CSNK2A2: variants seen among roughly 807,000 people sequenced by gnomAD.
CSNK2A2 encodes the protein casein kinase 2 alpha 2.
A neutral mutation model predicts 54.0 loss-of-function variants in CSNK2A2; 8 were observed. The ratio of observed to expected loss-of-function variants is 0.15; its 90% CI spans 0.09 to 0.27. The LOEUF is 0.27. Ranked by LOEUF, CSNK2A2 falls within the 10% of genes least tolerant of loss-of-function variation. The pLI is 1.00. For synonymous variants in CSNK2A2, 141 were observed against 153.9 expected (o/e 0.92, Z 0.62); for missense variants, 242 against 439.4 (o/e 0.55, Z 4.02).
In CSNK2A2 at chr16:58,184,282, T is replaced by C. The variant is rs547345655; in HGVS notation, c.347A>G (p.Tyr116Cys). The change falls in exon 4 of 12, where the codon TAT becomes TGT. Residue 116 changes from tyrosine to cysteine, a missense_variant. Tyr to Cys is a radical substitution (Grantham distance 194). Around this residue, in one of 5 missense-constraint regions of CSNK2A2, gnomAD observed 69 missense variants for 97.0 expected, o/e 0.71. Transcript: ENST00000262506. ...VSKTPALVFE[Y>C]INNTDFKQLY... ...CACCTTAAAATCTGTATTATTGATA[T>C]ATTCAAATACCAAAGCTGGTGTCTT... 6.2e-7 allele frequency: 1 copy of C among 1,604,508 alleles called. No homozygotes were observed. The highest frequency in any genetic ancestry group is 1.7e-5 in the Admixed American group (1 of 59,384).
chr16:58,191,246 TAG>T (rs1244195205), intron 2 of CSNK2A2, among the ~76,000 whole-genome samples: 2 of 152,148 alleles, frequency 1.3e-5, no homozygotes, highest in African/African-American at 2.4e-5. Flanking sequence ...GTTTAATGGA[TAG>T]AGTTTCCATT....
intron 2 of CSNK2A2, among the ~76,000 whole-genome samples, chr16:58,190,167 ACTAT>A (rs1167756663): frequency 2.0e-5 from 3 of 152,180 alleles, no homozygotes; most frequent in African/African-American, 7.2e-5. Flanking sequence ...CAATTCAGAG[ACTAT>A]CTGTTTAAAA....
At chr16:58,170,353 TG>T (rs1961700959) in intron 5 of CSNK2A2, among the ~76,000 whole-genome samples, 1 of 152,084 alleles carries the variant, frequency 6.6e-6, no homozygotes, top group African/African-American at 2.4e-5. Flanking sequence ...ACATGTATAG[TG>T]CTTTGTCTAC....
intron 4 of CSNK2A2, among the ~76,000 whole-genome samples, chr16:58,181,255 T>G (rs1216830055): frequency 6.6e-6 from 1 of 152,188 alleles, no homozygotes; most frequent in Non-Finnish European, 1.5e-5. Flanking sequence ...GCAAACAGCT[T>G]CAAACTGAAC....
At chr16:58,162,986 A>G (rs922946192) in intron 11 of CSNK2A2, 1 of 152,162 alleles carries the variant, frequency 6.6e-6, no homozygotes, top group Non-Finnish European at 1.5e-5. Context: ...CACATATCAG[A>G]ACTTACAAAT....
chr16:58,158,917 C>G (rs1277184029), intron 11 of CSNK2A2: 1 of 152,260 alleles, frequency 6.6e-6, no homozygotes, highest in African/African-American at 2.4e-5. Flanking sequence ...CTTCCAGGTC[C>G]AGCATAGCAA....
At chr16:58,189,071 C>T (rs1443266890) in intron 2 of CSNK2A2, among the ~76,000 whole-genome samples, 1 of 151,504 alleles carries the variant, frequency 6.6e-6, no homozygotes, top group Non-Finnish European at 1.5e-5. Context: ...ATTCTCCTGC[C>T]TCAGCCTCCC....
At chr16:58,191,448 G>A (rs1391032734) in intron 2 of CSNK2A2, among the ~76,000 whole-genome samples, 1 of 152,086 alleles carries the variant, frequency 6.6e-6, no homozygotes, top group Non-Finnish European at 1.5e-5. Context: ...TGCAACCTCT[G>A]CCTCCCGGGT....
At chr16:58,194,748 A>G (rs1962391637) in intron 2 of CSNK2A2, among the ~76,000 whole-genome samples, 1 of 152,208 alleles carries the variant, frequency 6.6e-6, no homozygotes, top group Non-Finnish European at 1.5e-5. Flanking sequence ...TAGGTCTCCC[A>G]TTTGTAAAGA....
intron 5 of CSNK2A2, among the ~76,000 whole-genome samples, chr16:58,171,044 C>T (rs1396130343): frequency 6.6e-6 from 1 of 152,030 alleles, no homozygotes; most frequent in Non-Finnish European, 1.5e-5. Flanking sequence ...CCAGATTTTG[C>T]CCAATGTCCC....
chr16:58,190,227 AT>A (rs904269392), intron 2 of CSNK2A2, among the ~76,000 whole-genome samples: 6 of 152,168 alleles, frequency 3.9e-5, no homozygotes, highest in East Asian at 1.9e-4. Flanking sequence ...CAATAAAAAA[AT>A]TTTTTTTTAA....
rs1962479384 is a variant in CSNK2A2 at position 58,197,202 on chromosome 16, G to A, written c.105-358C>T. 2.8e-5 allele frequency: 8 copies of A among 286,784 alleles called. No homozygotes were observed. In the South Asian group the frequency reaches 3.6e-4, roughly 13 times the overall value. The allele number at this position is 286,784 out of a possible 1,614,324, so 17.8% of individuals were successfully genotyped here. A position where few individuals can be genotyped will look rare whatever the true frequency, so the allele number is the denominator to read the frequency against. On this transcript the variant is annotated intron_variant, in intron 1 of 11. Transcript: ENST00000262506. The surrounding 1 kb of genome is among the most constrained non-coding windows in gnomAD (Gnocchi z 4.0). The stretch of plus-strand genomic sequence containing the variant: ...CACATCTTCAAGGTAGACAATGCCT[G>A]TTTTAAAAATCTGGACGTCTTTAAG...
intron 6 of CSNK2A2, 85 bp downstream of exon 6, chr16:58,168,525 A>T: frequency 8.8e-7 from 1 of 1,132,042 alleles, no homozygotes; most frequent in Non-Finnish European, 1.3e-6. Context: ...CCACGGGTCT[A>T]CAGAAACCAT....
At chr16:58,162,181 CA>C (rs1961400531) in intron 11 of CSNK2A2, 1 of 152,160 alleles carries the variant, frequency 6.6e-6, no homozygotes, top group African/African-American at 2.4e-5. Flanking sequence ...TGATGATAAC[CA>C]ATGCTTCAGG....
intron 5 of CSNK2A2, chr16:58,174,011 T>A (rs1961810266): frequency 6.5e-6 from 1 of 152,760 alleles, no homozygotes; most frequent in Non-Finnish European, 1.5e-5. Flanking sequence ...GCCCCAGCTG[T>A]GGTCCTAGAT....
chr16:58,171,472 G>A (rs184845877), intron 5 of CSNK2A2, among the ~76,000 whole-genome samples: 16 of 152,102 alleles, frequency 1.1e-4, no homozygotes, highest in Admixed American at 3.3e-4. Flanking sequence ...GCAGTGAGCC[G>A]AGATCATGCC....
At chr16:58,166,706 C>T in intron 8 of CSNK2A2, 22 bp from the exon 9 acceptor site, 1 of 1,558,588 alleles carries the variant, frequency 6.4e-7, no homozygotes, top group Non-Finnish European at 8.8e-7. Flanking sequence ...AACAAACTGA[C>T]CAAATCACTG....
At chr16:58,175,782 T>C (rs1050459643) in intron 4 of CSNK2A2, among the ~76,000 whole-genome samples, 9 of 152,084 alleles carry the variant, frequency 5.9e-5, no homozygotes, top group Admixed American at 5.2e-4. Context: ...TAAGAGTAAT[T>C]CCCCCTGCCA....
In CSNK2A2 at chr16:58,166,567, CTCT is replaced by C; in HGVS notation, c.827+14_827+16del. On this transcript the variant is annotated intron_variant, in intron 9 of 11. Transcript: ENST00000262506. ...AACGGGGTAAGGTAAAGCACTCTCT[CTCT>C]CTCTCTTACTTACTGTCCCAGGATA... is the stretch of plus-strand genomic sequence containing the variant. 1 of 1,553,420 alleles carries C rather than the reference CTCT, an allele frequency of 6.4e-7. No homozygotes were observed. The highest frequency in any genetic ancestry group is 8.9e-7 in the Non-Finnish European group (1 of 1,125,722).
Sources: gnomAD v4.1 joint callset for allele counts (sites outside exome capture counted in the v4.1 genomes callset) on GRCh38, gnomAD v4.1.1 for gene constraint, gnomAD v4.1.1 regional missense constraint, Gnocchi (gnomAD v3.1) non-coding constraint, MANE v1.5 for transcripts, NCBI Gene and HGNC (gene_info 2026-07-23, HGNC 2026-07-21) for gene names.